CDH4: variants seen among roughly 807,000 people sequenced by gnomAD.
CDH4 encodes cadherin 4.
CDH4 carries 33 observed loss-of-function variants against 86.0 expected under a neutral mutation model. The ratio of observed to expected loss-of-function variants is 0.38; its 90% CI spans 0.29 to 0.51. CDH4 has a LOEUF of 0.51. CDH4 is among the 20% of genes least tolerant of loss of function. The probability of loss-of-function intolerance (pLI) is 0.86; values close to 1 mark genes in which losing one functional copy is unlikely to be tolerated. For missense variants in CDH4, 1,114 were observed against 1,307.4 expected (o/e 0.85, Z 2.28); for synonymous variants, 555 against 549.4 (o/e 1.01, Z -0.14).
intron 2 of CDH4, among the ~76,000 whole-genome samples, chr20:61,311,973 G>A (rs545345031): frequency 1.2e-4 from 18 of 152,368 alleles, no homozygotes; most frequent in African/African-American, 4.3e-4. Context: ...TACTGTATGT[G>A]TTTACATGCC....
At chr20:61,642,205 T>C (rs929658891) in intron 2 of CDH4, among the ~76,000 whole-genome samples, 6 of 152,244 alleles carry the variant, frequency 3.9e-5, no homozygotes, top group Non-Finnish European at 8.8e-5. Context: ...AATACGGTCA[T>C]GAATGAAATA....
chr20:61,840,073 G>A (rs1437691624), intron 4 of CDH4, among the ~76,000 whole-genome samples: 1 of 152,154 alleles, frequency 6.6e-6, no homozygotes, highest in Non-Finnish European at 1.5e-5. Flanking sequence ...CCCAGACCTT[G>A]CTCTACCCCG....
chr20:61,657,417 A>G (rs1283529786), intron 2 of CDH4, among the ~76,000 whole-genome samples: 1 of 152,264 alleles, frequency 6.6e-6, no homozygotes, highest in Non-Finnish European at 1.5e-5. Context: ...GGTTATAAAG[A>G]TACAACCACA....
intron 2 of CDH4, among the ~76,000 whole-genome samples, chr20:61,498,401 A>T (rs1403999566): frequency 6.6e-6 from 1 of 152,254 alleles, no homozygotes; most frequent in African/African-American, 2.4e-5. Flanking sequence ...TTGATAGTGT[A>T]ATCGATAATG....
Position 61,886,037 on chromosome 20 carries a change from A to C in CDH4, c.1051-8873A>C, listed in dbSNP as rs1337735178. 2.6e-5 allele frequency among the ~76,000 whole-genome samples: 4 copies of C among 152,352 alleles called. No individual in the cohort carries two copies. In the East Asian group the frequency reaches 5.8e-4, roughly 22 times the overall value. On this transcript the variant is annotated intron_variant, in intron 7 of 15. Transcript: ENST00000614565. Reference sequence around the variant, plus strand: ...CACCCAGAAGGAAGGGATGCAGGGCATCTGCAAGCCTGGGCTACAGGGCCT... The same window carrying C: ...CACCCAGAAGGAAGGGATGCAGGGCCTCTGCAAGCCTGGGCTACAGGGCCT...
intron 2 of CDH4, among the ~76,000 whole-genome samples, chr20:61,468,050 A>G (rs552831338): frequency 6.6e-6 from 1 of 152,320 alleles, no homozygotes; most frequent in East Asian, 1.9e-4. Flanking sequence ...GTGGCAGTGT[A>G]TGTGGAATGT....
At chr20:61,838,221 G>C (rs1256844125) in intron 4 of CDH4, among the ~76,000 whole-genome samples, 1 of 152,038 alleles carries the variant, frequency 6.6e-6, no homozygotes, top group Non-Finnish European at 1.5e-5. Context: ...GTCCAGGAAC[G>C]GTTGGGCCCT....
At chr20:61,573,420 T>C (rs2086359260) in intron 2 of CDH4, among the ~76,000 whole-genome samples, 1 of 152,222 alleles carries the variant, frequency 6.6e-6, no homozygotes, top group African/African-American at 2.4e-5. Flanking sequence ...GTCACCTGCT[T>C]TGGCATCTCC....
chr20:61,341,887 T>C (rs1288656536), intron 2 of CDH4, among the ~76,000 whole-genome samples: 1 of 152,210 alleles, frequency 6.6e-6, no homozygotes, highest in Non-Finnish European at 1.5e-5. Context: ...CCCAGGACAG[T>C]CATTTCCTAG....
intron 3 of CDH4, among the ~76,000 whole-genome samples, chr20:61,747,782 T>C (rs898817549): frequency 1.4e-4 from 22 of 152,020 alleles, no homozygotes; most frequent in African/African-American, 3.9e-4. Context: ...AGAGAGGCAG[T>C]AAGAAGGTCT....
At chr20:61,396,803 G>T (rs934458765) in intron 2 of CDH4, among the ~76,000 whole-genome samples, 1 of 152,228 alleles carries the variant, frequency 6.6e-6, no homozygotes, top group Non-Finnish European at 1.5e-5. Flanking sequence ...GAGATGCCGG[G>T]GGCTGGAAGC....
intron 2 of CDH4, among the ~76,000 whole-genome samples, chr20:61,554,073 C>T (rs979704296): frequency 1.3e-5 from 2 of 152,224 alleles, no homozygotes; most frequent in Non-Finnish European, 2.9e-5. Context: ...TCCCCCACCC[C>T]ATTGGCCAGG....
chr20:61,383,065 C>CAT (rs1028186496), intron 2 of CDH4, among the ~76,000 whole-genome samples: 2 of 127,182 alleles, frequency 1.6e-5, no homozygotes, highest in East Asian at 2.1e-4. Context: ...ATATATAATT[C>CAT]ATATATATAT....
intron 2 of CDH4, among the ~76,000 whole-genome samples, chr20:61,306,722 A>G (rs532766519): frequency 6.6e-6 from 1 of 152,236 alleles, no homozygotes; most frequent in Non-Finnish European, 1.5e-5. Context: ...CTCAAACCAA[A>G]CACACCCTTG....
intron 1 of CDH4, 71 bp from the exon 2 acceptor site, chr20:61,254,755 C>G (rs763053188): frequency 1.0e-6 from 1 of 998,988 alleles, no homozygotes; most frequent in Non-Finnish European, 1.6e-6. Context: ...CACAGCAGGC[C>G]CTGGATGAAT....
intron 2 of CDH4, among the ~76,000 whole-genome samples, chr20:61,285,195 C>T (rs950011725): frequency 3.9e-5 from 6 of 152,202 alleles, no homozygotes; most frequent in African/African-American, 1.2e-4. Context: ...TAAAGTTTGG[C>T]GTTATTGGCA....
chr20:61,345,856 G>T (rs1251141647), intron 2 of CDH4, among the ~76,000 whole-genome samples: 2 of 152,150 alleles, frequency 1.3e-5, no homozygotes, highest in Non-Finnish European at 2.9e-5. Context: ...AAGAGGAGAG[G>T]CGCTCTCCAA....
rs1229826577 is a variant in CDH4, at chr20:61,252,575, G to A, written c.57+5G>A. The A allele has an allele frequency of 2.5e-6, 3 of 1,203,744 alleles. No homozygotes were observed. Among genetic ancestry groups the A allele is most frequent in the Non-Finnish European group, 3.1e-6 (3 of 969,626 alleles). The allele number at this position is 1,203,744 out of a possible 1,614,324, so 74.6% of individuals were successfully genotyped here. ...TCGCTCTCCGGCGCGCTCCGGGTAA[G>A]TTGCCGCCTCCCGCCCCCGCCGTTC... On this transcript the variant is annotated splice_donor_5th_base_variant and intron_variant, in intron 1 of 15. Coordinates refer to ENST00000614565, the MANE Select transcript of CDH4 (RefSeq NM_001794.5). This position sits in a 1 kb window ranked among gnomAD's most constrained non-coding sequence, Gnocchi z 4.4.
intron 2 of CDH4, among the ~76,000 whole-genome samples, chr20:61,520,559 T>C (rs1404806624): frequency 6.6e-6 from 1 of 152,230 alleles, no homozygotes; most frequent in Non-Finnish European, 1.5e-5. Context: ...GTGAGGGCTC[T>C]GGCATTGCTG....
Sources: allele counts gnomAD v4.1 joint callset (sites outside exome capture counted in the v4.1 genomes callset), GRCh38; gene constraint gnomAD v4.1.1; non-coding constraint Gnocchi (gnomAD v3.1); transcripts MANE v1.5; gene names NCBI Gene and HGNC (gene_info 2026-07-23, HGNC 2026-07-21).